Variants in HECW1 observed in about 807,000 individuals in gnomAD.
HECW1 encodes HECT, C2 and WW domain containing E3 ubiquitin protein ligase 1.
In HECW1, 61 loss-of-function variants were observed where a neutral mutation model predicts 182.3. The ratio of observed to expected loss-of-function variants is 0.33; its 90% CI spans 0.27 to 0.41. The LOEUF (loss-of-function observed/expected upper bound fraction) is 0.41. HECW1 is among the 10% of genes least tolerant of loss of function. HECW1 has a pLI of 1.00. For synonymous variants in HECW1, 859 were observed against 832.6 expected, an observed-to-expected ratio of 1.03 and a Z score of -0.55; for missense variants, 1,739 against 2,108.9, an observed-to-expected ratio of 0.82 and a Z score of 3.44.
At chr7:43,263,069 T>G (rs1801355577) in intron 3 of HECW1, among the ~76,000 whole-genome samples, 1 of 152,228 alleles carries the variant, frequency 6.6e-6, no homozygotes, top group African/African-American at 2.4e-5. Context: ...CATAATTTCT[T>G]CTTATCTGCA....
At chr7:43,423,247 A>G (rs2076253802) in intron 8 of HECW1, among the ~76,000 whole-genome samples, 1 of 152,154 alleles carries the variant, frequency 6.6e-6, no homozygotes, top group Non-Finnish European at 1.5e-5. Context: ...CAGTTTCACA[A>G]ATGATTTTTT....
At chr7:43,263,522 G>A (rs1006971417) in intron 3 of HECW1, among the ~76,000 whole-genome samples, 2 of 152,026 alleles carry the variant, frequency 1.3e-5, no homozygotes, top group South Asian at 4.1e-4. Context: ...CACTATGGCC[G>A]GCTAATTTTT....
intron 6 of HECW1, among the ~76,000 whole-genome samples, chr7:43,385,531 G>T (rs1473159302): frequency 6.6e-6 from 1 of 151,924 alleles, no homozygotes; most frequent in Admixed American, 6.6e-5. Flanking sequence ...AAAGCCTGGG[G>T]CAGCTCCTAC....
chr7:43,318,729 G>A (rs769281658), intron 4 of HECW1, among the ~76,000 whole-genome samples: 3 of 152,240 alleles, frequency 2.0e-5, no homozygotes, highest in Non-Finnish European at 4.4e-5. Context: ...AGTCCAGCCA[G>A]ATGCAGCATG....
At chr7:43,503,569 G>A (rs776355794) in intron 21 of HECW1, among the ~76,000 whole-genome samples, 12 of 152,208 alleles carry the variant, frequency 7.9e-5, no homozygotes, top group Admixed American at 2.6e-4. Context: ...GACTGATGCC[G>A]TGAATCTAAG....
At chr7:43,225,273 A>G (rs925674740) in intron 2 of HECW1, among the ~76,000 whole-genome samples, 4 of 152,194 alleles carry the variant, frequency 2.6e-5, no homozygotes, top group Non-Finnish European at 5.9e-5. Context: ...CAAGTACTGG[A>G]AAGAGTGTAA....
At chr7:43,284,501 A>G (rs1317308349) in intron 3 of HECW1, among the ~76,000 whole-genome samples, 2 of 123,580 alleles carry the variant, frequency 1.6e-5, no homozygotes, top group Non-Finnish European at 3.1e-5. Context: ...ACCCATTTCT[A>G]CAAAAAAAAA....
chr7:43,545,649 C>T (rs1214363298), intron 26 of HECW1, among the ~76,000 whole-genome samples: 1 of 152,152 alleles, frequency 6.6e-6, no homozygotes, highest in African/African-American at 2.4e-5. Flanking sequence ...TTATAAACTG[C>T]ATGCTTACAA....
intron 24 of HECW1, among the ~76,000 whole-genome samples, chr7:43,535,478 G>A (rs2081146614): frequency 6.6e-6 from 1 of 152,166 alleles, no homozygotes; most frequent in South Asian, 2.1e-4. Context: ...CGCGCACCAA[G>A]AGTGACATTT....
intron 2 of HECW1, among the ~76,000 whole-genome samples, chr7:43,152,204 A>G (rs77474456): frequency 4.2e-4 from 2 of 4,722 alleles, no homozygotes; most frequent in African/African-American, 6.6e-3. Flanking sequence ...AATTTCTGGG[A>G]AAAAAAATGT....
intron 27 of HECW1, among the ~76,000 whole-genome samples, chr7:43,550,804 A>T (rs769419135): frequency 1.8e-4 from 28 of 151,986 alleles, no homozygotes; most frequent in Non-Finnish European, 3.5e-4. Context: ...TCTCTGGGAA[A>T]CTCAACTCTT....
chr7:43,147,060 A>G lies in HECW1; in HGVS notation c.-32+32669A>G, dbSNP rs530444254. 1.1e-4 allele frequency among the ~76,000 whole-genome samples: 17 copies of G among 152,298 alleles called. 1 individual carries two copies. The South Asian group carries it at 1.7e-3, about 15-fold the overall frequency. On this transcript the variant is annotated intron_variant, in intron 2 of 29. Coordinates refer to ENST00000395891, the MANE Select transcript of HECW1 (RefSeq NM_015052.5). Reference sequence around the variant, plus strand: ...CCTCTGGCCAGCAGTGGGTAATGGAAATTTTGTACTTTTAACTTTTGTTGT... The same window carrying G: ...CCTCTGGCCAGCAGTGGGTAATGGAGATTTTGTACTTTTAACTTTTGTTGT...
chr7:43,181,155 C>T (rs1291048539), intron 2 of HECW1, among the ~76,000 whole-genome samples: 1 of 150,802 alleles, frequency 6.6e-6, no homozygotes, highest in East Asian at 1.9e-4. Context: ...CAGGTTCATC[C>T]ATGTTGTGGC....
intron 3 of HECW1, among the ~76,000 whole-genome samples, chr7:43,274,834 A>G (rs1802908854): frequency 6.6e-6 from 1 of 152,244 alleles, no homozygotes. Context: ...CTGTGAAATC[A>G]ATGAGAAGAT....
At chr7:43,556,074 A>G (rs559912418) in intron 29 of HECW1, among the ~76,000 whole-genome samples, 16 of 152,338 alleles carry the variant, frequency 1.1e-4, no homozygotes, top group African/African-American at 3.6e-4. Flanking sequence ...ACGGCCTGAT[A>G]GTAACTAATC....
At chr7:43,426,026 C>T (rs1287427723) in intron 8 of HECW1, among the ~76,000 whole-genome samples, 1 of 152,112 alleles carries the variant, frequency 6.6e-6, no homozygotes, top group Admixed American at 6.5e-5. Context: ...ATTATGGCTG[C>T]ATTGTTGGGA....
chr7:43,500,663 G>A, intron 19 of HECW1, 36 bp from the exon 20 acceptor site: 1 of 1,432,506 alleles, frequency 7.0e-7, no homozygotes, highest in Non-Finnish European at 9.9e-7. Flanking sequence ...TTATGTGTTG[G>A]CATCTAATTT....
At chr7:43,429,512 A>AAGGGGG (rs2076476937) in intron 8 of HECW1, among the ~76,000 whole-genome samples, 1 of 151,652 alleles carries the variant, frequency 6.6e-6, no homozygotes, top group Non-Finnish European at 1.5e-5. Flanking sequence ...TGCTAGCGAG[A>AAGGGGG]AGGGGGAAGA....
At chr7:43,248,205 C>G (rs1025212485) in intron 3 of HECW1, among the ~76,000 whole-genome samples, 16 of 152,232 alleles carry the variant, frequency 1.1e-4, no homozygotes, top group Middle Eastern at 6.8e-3. Context: ...ACCCAGAGAT[C>G]GCAGGGCTGA....
Sources: gnomAD v4.1 joint callset for allele counts (sites outside exome capture counted in the v4.1 genomes callset) on GRCh38, gnomAD v4.1.1 for gene constraint, MANE v1.5 for transcripts, NCBI Gene and HGNC (gene_info 2026-07-23, HGNC 2026-07-21) for gene names.